PRTFDC1: variants seen among roughly 807,000 people sequenced by gnomAD.
PRTFDC1 encodes phosphoribosyl transferase domain containing 1, also known as phosphoribosyltransferase domain-containing protein 1.
A neutral mutation model predicts 34.6 loss-of-function variants in PRTFDC1; 38 were observed. The ratio of observed to expected loss-of-function variants is 1.10; its 90% CI spans 0.85 to 1.44. The LOEUF (loss-of-function observed/expected upper bound fraction) is 1.44, where lower values mean the gene tolerates loss of function less well. Ranked by LOEUF, PRTFDC1 falls within the 40% of genes most tolerant of loss-of-function variation. The pLI is 0.00. For synonymous variants in PRTFDC1, 93 were observed against 98.1 expected, an observed-to-expected ratio of 0.95 and a Z score of 0.31; for missense variants, 270 against 283.0, an observed-to-expected ratio of 0.95 and a Z score of 0.33.
chr10:24,935,442 G>A (rs979333617), intron 3 of PRTFDC1, among the ~76,000 whole-genome samples: 8 of 152,168 alleles, frequency 5.3e-5, no homozygotes, highest in African/African-American at 1.9e-4. Context: ...TGGCCTGAGA[G>A]GTGATCAGGA....
intron 3 of PRTFDC1, among the ~76,000 whole-genome samples, chr10:24,903,731 T>A (rs2132556964): frequency 6.6e-6 from 1 of 151,022 alleles, no homozygotes; most frequent in East Asian, 1.9e-4. Flanking sequence ...TGAGACAGGG[T>A]CTTGCTCTGT....
At chr10:24,936,321 C>T (rs1408697711) in intron 3 of PRTFDC1, among the ~76,000 whole-genome samples, 1 of 151,316 alleles carries the variant, frequency 6.6e-6, no homozygotes, top group Non-Finnish European at 1.5e-5. Context: ...TCATTGTCAT[C>T]CAGGCTGGAG....
chr10:24,895,690 T>TATATAC (rs1555048850), intron 3 of PRTFDC1, among the ~76,000 whole-genome samples: 1 of 98,804 alleles, frequency 1.0e-5, no homozygotes, highest in Non-Finnish European at 1.9e-5. Flanking sequence ...CTGGGGTGGA[T>TATATAC]ATATATATAT....
At chr10:24,915,843 C>T (rs1396078336) in intron 3 of PRTFDC1, among the ~76,000 whole-genome samples, 2 of 152,176 alleles carry the variant, frequency 1.3e-5, no homozygotes, top group African/African-American at 4.8e-5. Context: ...TCTTCTCTAT[C>T]CACCTTCACT....
intron 5 of PRTFDC1, 160 bp from the exon 6 acceptor site, chr10:24,857,155 C>G (rs913259036): frequency 1.5e-6 from 1 of 662,456 alleles, no homozygotes; most frequent in Non-Finnish European, 2.7e-6. Flanking sequence ...TTTATTTAGA[C>G]AGGCGCTTCT....
chr10:24,894,765 G>A (rs866412187), intron 3 of PRTFDC1, among the ~76,000 whole-genome samples: 10 of 152,204 alleles, frequency 6.6e-5, no homozygotes, highest in Admixed American at 2.0e-4. Context: ...GGTTAAGATC[G>A]TGGCTTTGGA....
At chr10:24,884,519 C>T (rs1465164830) in intron 3 of PRTFDC1, among the ~76,000 whole-genome samples, 4 of 152,210 alleles carry the variant, frequency 2.6e-5, no homozygotes, top group Admixed American at 6.5e-5. Flanking sequence ...TGGGCAGAGC[C>T]ACCCGCAGAG....
chr10:24,948,716 C>T (rs1247971473), intron 1 of PRTFDC1, among the ~76,000 whole-genome samples: 1 of 152,172 alleles, frequency 6.6e-6, no homozygotes, highest in African/African-American at 2.4e-5. Context: ...TGGACAATTC[C>T]TTGGCTGATT....
intron 2 of PRTFDC1, among the ~76,000 whole-genome samples, chr10:24,937,892 T>TA (rs911025899): frequency 5.3e-5 from 8 of 151,800 alleles, no homozygotes; most frequent in African/African-American, 1.9e-4. Flanking sequence ...CACACGATCA[T>TA]AAAAAATGTA....
intron 4 of PRTFDC1, 104 bp from the exon 5 acceptor site, chr10:24,858,513 C>T (rs113598721): frequency 3.0e-4 from 348 of 1,150,476 alleles, no homozygotes; most frequent in Non-Finnish European, 4.1e-4. Context: ...TTTACTTAGA[C>T]GGTCCTTCCC....
intron 3 of PRTFDC1, among the ~76,000 whole-genome samples, chr10:24,924,793 T>C (rs1848844789): frequency 6.6e-6 from 1 of 152,166 alleles, no homozygotes; most frequent in Admixed American, 6.5e-5. Flanking sequence ...CCAGTTAGAA[T>C]GGCTATCATT....
chr10:24,852,277 C>T (rs534952206), intron 7 of PRTFDC1, among the ~76,000 whole-genome samples: 4 of 152,048 alleles, frequency 2.6e-5, no homozygotes, highest in East Asian at 1.9e-4. Context: ...CTCAGTTTCC[C>T]GAGTAGCTGG....
chr10:24,870,033 A>T (rs1847847417), intron 4 of PRTFDC1, among the ~76,000 whole-genome samples: 2 of 152,210 alleles, frequency 1.3e-5, no homozygotes, highest in South Asian at 4.1e-4. Flanking sequence ...ACAGGCAAAT[A>T]AAAAATAAGC....
chr10:24,858,469 A>T, intron 4 of PRTFDC1, 60 bp from the exon 5 acceptor site: 1 of 1,561,784 alleles, frequency 6.4e-7, no homozygotes, highest in Non-Finnish European at 8.8e-7. Flanking sequence ...CAGGATACAT[A>T]CACATTTTTT....
intron 2 of PRTFDC1, among the ~76,000 whole-genome samples, chr10:24,941,197 G>T (rs1849151350): frequency 6.6e-6 from 1 of 151,932 alleles, no homozygotes; most frequent in Admixed American, 6.6e-5. Context: ...GGGACTACAG[G>T]CCTGTGCTAC....
Position 24,896,310 on chromosome 10 carries a change from C to T in PRTFDC1, c.340-24247G>A, listed in dbSNP as rs562372816. On this transcript the variant is annotated intron_variant, in intron 3 of 8. Coordinates refer to ENST00000320152, the MANE Select transcript of PRTFDC1 (RefSeq NM_020200.7). ...AGGGATCTAGGTTGCATGTTCCTTA[C>T]GAGAATCTAACTAATGCCTGATGAT... 3.0e-4 allele frequency among the ~76,000 whole-genome samples: 46 copies of T among 152,224 alleles called. 1 individual carries two copies. Among genetic ancestry groups the T allele is most frequent in the Middle Eastern group, 6.8e-3 (2 of 294 alleles).
At chr10:24,914,845 G>A (rs915163073) in intron 3 of PRTFDC1, among the ~76,000 whole-genome samples, 1 of 152,156 alleles carries the variant, frequency 6.6e-6, no homozygotes, top group Non-Finnish European at 1.5e-5. Context: ...GCCTAGCTAA[G>A]ATGTAAGAAT....
At position 24,891,647 on chromosome 10, in the gene PRTFDC1, G is replaced by T. The variant is rs948359360; in HGVS notation, c.340-19584C>A. On this transcript the variant is annotated intron_variant, in intron 3 of 8. Transcript: ENST00000320152. ...TCTTAAAAAAAAAAAATTAGCTGTT[G>T]TCCCAGCTACTCGGGAGGCTGAGGT... Among the ~76,000 whole-genome samples the T allele has an allele frequency of 1.1e-4, 16 of 151,800 alleles. 1 individual carries two copies. The East Asian group carries it at 3.1e-3, about 29-fold the overall frequency.
At chr10:24,918,284 C>A (rs1443171266) in intron 3 of PRTFDC1, among the ~76,000 whole-genome samples, 1 of 152,150 alleles carries the variant, frequency 6.6e-6, no homozygotes, top group Non-Finnish European at 1.5e-5. Context: ...GACCTGCTGT[C>A]TTCTCTCTTG....
Sources: allele counts gnomAD v4.1 joint callset (sites outside exome capture counted in the v4.1 genomes callset), GRCh38; gene constraint gnomAD v4.1.1; transcripts MANE v1.5; gene names NCBI Gene and HGNC (gene_info 2026-07-23, HGNC 2026-07-21).